The following COL6A5 variants were observed in gnomAD, a reference collection of about 807,000 sequenced individuals.
COL6A5 encodes collagen type VI alpha 5 chain, also known as collagen alpha-5(VI) chain.
COL6A5 carries 48 observed loss-of-function variants against 65.6 expected under a neutral mutation model. The ratio of observed to expected loss-of-function variants is 0.73; its 90% CI spans 0.58 to 0.93. The LOEUF is 0.93. Ranked by LOEUF, COL6A5 falls within the 40% of genes least tolerant of loss-of-function variation. The pLI, the probability that COL6A5 is intolerant of heterozygous loss-of-function variation, is 0.00. For missense variants in COL6A5, 914 were observed against 928.3 expected (o/e 0.98, Z 0.20); for synonymous variants, 291 against 322.8 (o/e 0.90, Z 1.05).
exon 5 of COL6A5, chr3:130,455,642 G>A: frequency 1.2e-6 from 2 of 1,612,614 alleles, no homozygotes; most frequent in South Asian, 2.2e-5. Context: ...TCAAAAATCT[G>A]CAGAAATTGC....
chr3:130,412,657 G>A (rs1371409380), intron 20 of COL6A5, among the ~76,000 whole-genome samples: 1 of 152,096 alleles, frequency 6.6e-6, no homozygotes, highest in African/African-American at 2.4e-5. Context: ...TTGATTCTGG[G>A]TACAAACAGC....
At chr3:130,452,319 C>T (rs1385352945) in intron 4 of COL6A5, among the ~76,000 whole-genome samples, 1 of 148,494 alleles carries the variant, frequency 6.7e-6, no homozygotes, top group Non-Finnish European at 1.5e-5. Context: ...GGGGGAAATT[C>T]AGCCAGATAT....
At chr3:130,449,805 T>A (rs905756737) in intron 4 of COL6A5, among the ~76,000 whole-genome samples, 29 of 152,090 alleles carry the variant, frequency 1.9e-4, no homozygotes, top group African/African-American at 7.0e-4. Context: ...CCGGCCAGAA[T>A]GGAAACAGGA....
rs749606205 is a variant in COL6A5, at chr3:130,384,916, G to A, written c.1413G>A (p.Met471Ile). 19 of 1,550,840 alleles carry A rather than the reference G, an allele frequency of 1.2e-5. No homozygotes were observed. In the South Asian group the frequency reaches 2.1e-4, roughly 17 times the overall value. ...GATTTATGTTGGAAGTGACAGAAAT[G>A]TTTAGCATTGGCCCAGACAAAGTCC... The change falls in exon 5 of 42, where the codon ATG (methionine) becomes ATA (isoleucine). Residue 471 changes from methionine (M) to isoleucine (I), a missense_variant and NMD_transcript_variant. Coordinates refer to the COL6A5 transcript ENST00000312481.
chr3:130,401,071 T>C, exon 11 of COL6A5: 1 of 1,551,270 alleles, frequency 6.4e-7, no homozygotes, highest in Non-Finnish European at 8.7e-7. Context: ...ACACAACTGC[T>C]CATCATGAGT....
At chr3:130,441,096 A>C (rs575052489) in intron 3 of COL6A5, among the ~76,000 whole-genome samples, 2 of 152,160 alleles carry the variant, frequency 1.3e-5, no homozygotes, top group Non-Finnish European at 2.9e-5. Flanking sequence ...GGTCGTATGA[A>C]TCACATTTGC....
At chr3:130,375,362 A>G (rs1351463079) in intron 2 of COL6A5, among the ~76,000 whole-genome samples, 1 of 152,150 alleles carries the variant, frequency 6.6e-6, no homozygotes, top group African/African-American at 2.4e-5. Flanking sequence ...AAAGAGGGAC[A>G]GCTCTGCTGT....
intron 22 of COL6A5, 86 bp from the exon 23 acceptor site, chr3:130,415,559 T>A (rs1372552144): frequency 7.9e-7 from 1 of 1,273,266 alleles, no homozygotes. Flanking sequence ...GGACCATTGC[T>A]TTTCTGCAGG....
At chr3:130,443,190 G>A (rs1163648151) in intron 3 of COL6A5, among the ~76,000 whole-genome samples, 1 of 152,146 alleles carries the variant, frequency 6.6e-6, no homozygotes, top group Non-Finnish European at 1.5e-5. Context: ...ATGTTAGCCT[G>A]AGCATGTGAA....
chr3:130,470,999 C>A (rs769617047), intron 7 of COL6A5, 32 bp downstream of exon 39: 7 of 1,447,286 alleles, frequency 4.8e-6, no homozygotes, highest in Non-Finnish European at 5.8e-6. Context: ...TTGGGTAATA[C>A]CACAACTGGA....
At chr3:130,362,944 C>T (rs1167689774) in intron 1 of COL6A5, among the ~76,000 whole-genome samples, 1 of 152,178 alleles carries the variant, frequency 6.6e-6, no homozygotes, top group African/African-American at 2.4e-5. Context: ...TTGAAGAGAA[C>T]ATATATTCAA....
At chr3:130,391,445 A>G in exon 7 of COL6A5, 1 of 1,551,724 alleles carries the variant, frequency 6.4e-7, no homozygotes, top group Non-Finnish European at 8.7e-7. Context: ...CTACACTGCC[A>G]AGGCTCTCAA....
At chr3:130,462,983 T>G (rs554612006) in intron 5 of COL6A5, among the ~76,000 whole-genome samples, 10 of 152,094 alleles carry the variant, frequency 6.6e-5, no homozygotes, top group African/African-American at 2.4e-4. Context: ...CTTAGCCAAC[T>G]CATTCACCCT....
At chr3:130,441,090 G>T (rs7629719) in intron 3 of COL6A5, among the ~76,000 whole-genome samples, 135,452 of 152,114 alleles carry the variant, frequency 0.89, 60,681 homozygotes, top group Non-Finnish European at 0.94. Flanking sequence ...ACTAGAGGTC[G>T]TATGAATCAC....
exon 6 of COL6A5, chr3:130,389,127 T>C: frequency 7.0e-7 from 1 of 1,426,620 alleles, no homozygotes; most frequent in Non-Finnish European, 9.2e-7. Context: ...GTGTGTGTGC[T>C]CTCCATGGTA....
intron 5 of COL6A5, among the ~76,000 whole-genome samples, chr3:130,386,172 G>A (rs544027422): frequency 6.6e-6 from 1 of 152,026 alleles, no homozygotes; most frequent in Admixed American, 6.6e-5. Context: ...CTGGTAAAGA[G>A]GAAAGATGCT....
chr3:130,471,489 G>A (rs371853794), intron 7 of COL6A5, among the ~76,000 whole-genome samples, 193 bp from the exon 40 acceptor site: 24 of 152,034 alleles, frequency 1.6e-4, no homozygotes, highest in African/African-American at 5.1e-4. Flanking sequence ...TCTAAACTGC[G>A]GAGACAAATG....
exon 6 of COL6A5, chr3:130,388,967 T>A: frequency 6.5e-7 from 1 of 1,548,088 alleles, no homozygotes; most frequent in Non-Finnish European, 8.7e-7. Flanking sequence ...CCTGCTAGAA[T>A]TCTTCGGGGC....
Position 130,469,225 on chromosome 3 carries a change from CAA to C in COL6A5, c.1977_1978del (p.Lys660SerfsTer40). ...TAGGAACCCCCAATCTGAGGAAAAA[CAA>C]AGTTATCTTTGTAATATCTGCTGGC... On this transcript the variant is annotated frameshift_variant, in exon 6 of 8. Transcript: ENST00000512836. LOFTEE classifies it high-confidence loss of function. 1.5e-5 allele frequency: 24 copies of C among 1,613,228 alleles called. No homozygotes were observed. Among genetic ancestry groups the C allele is most frequent in the Non-Finnish European group, 2.0e-5 (24 of 1,179,464 alleles).
Sources: allele counts gnomAD v4.1 joint callset (sites outside exome capture counted in the v4.1 genomes callset), GRCh38; gene constraint gnomAD v4.1.1; transcripts MANE v1.5; gene names NCBI Gene and HGNC (gene_info 2026-07-23, HGNC 2026-07-21).